PAK3: variants seen among roughly 807,000 people sequenced by gnomAD.
The protein encoded by PAK3 is p21 (RAC1) activated kinase 3, also known as serine/threonine-protein kinase PAK 3.
PAK3 carries 4 observed loss-of-function variants against 41.0 expected under a neutral mutation model. The ratio of observed to expected loss-of-function variants is 0.10; its 90% CI spans 0.05 to 0.22. PAK3 has a LOEUF of 0.22. Among genes scored for constraint, PAK3 ranks in the 10% least tolerant of loss-of-function variants. PAK3 has a pLI of 1.00. For missense variants in PAK3, 205 were observed against 409.9 expected (o/e 0.50, Z 4.32); for synonymous variants, 146 against 139.6 (o/e 1.05, Z -0.32).
intron 1 of PAK3, among the ~76,000 whole-genome samples, chrX:110,952,941 G>A (rs763286832): frequency 2.4e-4 from 27 of 111,357 alleles, no homozygotes; most frequent in Non-Finnish European, 2.1e-4. Context: ...CTTTTTAATT[G>A]CCAAATAATT....
At chrX:111,194,172 A>G in intron 13 of PAK3, 129 bp from the exon 14 acceptor site, 1 of 557,457 alleles carries the variant, frequency 1.8e-6, no homozygotes. Flanking sequence ...ATGTCCCTCA[A>G]TACCTTCTCA....
intron 1 of PAK3, among the ~76,000 whole-genome samples, chrX:111,073,086 A>G (rs1462984626): frequency 9.0e-6 from 1 of 111,124 alleles, no homozygotes; most frequent in Non-Finnish European, 1.9e-5. Flanking sequence ...GGGGGCCTCC[A>G]TGTTCCCACA....
At chrX:111,134,747 A>T (rs2093764628) in intron 5 of PAK3, among the ~76,000 whole-genome samples, 1 of 111,400 alleles carries the variant, frequency 9.0e-6, no homozygotes, top group East Asian at 2.8e-4. Context: ...AACTGAGGTG[A>T]GTCTTAAAGG....
intron 1 of PAK3, among the ~76,000 whole-genome samples, chrX:111,076,235 C>A (rs1035750151): frequency 6.3e-5 from 7 of 110,966 alleles, no homozygotes; most frequent in Non-Finnish European, 7.6e-5. Flanking sequence ...GGGCCAGGGG[C>A]AGAATTATAT....
chrX:110,978,363 G>A (rs1006528609), intron 1 of PAK3, among the ~76,000 whole-genome samples: 3 of 110,597 alleles, frequency 2.7e-5, no homozygotes, highest in Non-Finnish European at 5.7e-5. Context: ...TTTCTGAGAG[G>A]TAGGTTTGGT....
intron 3 of PAK3, chrX:111,098,775 A>G (rs2093060205): frequency 9.1e-6 from 1 of 110,495 alleles, no homozygotes; most frequent in South Asian, 3.9e-4. Context: ...GCTCAAAAAA[A>G]AAAAAGAAAA....
chrX:111,018,311 C>T (rs943620211), intron 1 of PAK3, among the ~76,000 whole-genome samples: 3 of 111,403 alleles, frequency 2.7e-5, no homozygotes, highest in Non-Finnish European at 5.7e-5. Context: ...TCTCTCTTTA[C>T]AGACAATATG....
chrX:110,965,783 C>T (rs931571831), intron 1 of PAK3, among the ~76,000 whole-genome samples: 7 of 112,099 alleles, frequency 6.2e-5, no homozygotes, highest in African/African-American at 2.3e-4. Context: ...ACTAGGTACT[C>T]TTCTAAGTAC....
At chrX:111,081,280 C>T (rs1001004881) in intron 1 of PAK3, among the ~76,000 whole-genome samples, 2 of 111,285 alleles carry the variant, frequency 1.8e-5, no homozygotes, top group South Asian at 3.8e-4. Flanking sequence ...ATCGCTTCAG[C>T]ATTCAAACTC....
chrX:111,040,446 A>T (rs964338000), intron 1 of PAK3, among the ~76,000 whole-genome samples: 2 of 112,138 alleles, frequency 1.8e-5, no homozygotes, highest in African/African-American at 6.5e-5. Flanking sequence ...TACATTTTAT[A>T]TACTTTTCAA....
intron 1 of PAK3, among the ~76,000 whole-genome samples, chrX:111,018,437 T>C (rs1329888535): frequency 9.0e-6 from 1 of 111,440 alleles, no homozygotes; most frequent in Non-Finnish European, 1.9e-5. Context: ...TGTAGTTCTA[T>C]ACACCGACAA....
Position 111,018,203 on chromosome X carries a change from C to A in PAK3, c.-28+73575C>A, listed in dbSNP as rs759688553. Among the ~76,000 whole-genome samples, 9 of 111,170 alleles carry A rather than the reference C, an allele frequency of 8.1e-5. No homozygotes were observed. The East Asian group carries it at 2.6e-3, about 32-fold the overall frequency. ...AGACAAGGATGTCAGCTTTTTGGCA[C>A]CTCTATTGAACATAGTATTAGAATG... On this transcript the variant is annotated intron_variant, in intron 1 of 14. Coordinates refer to the PAK3 transcript ENST00000425146.
At chrX:111,123,371 G>C (rs747399734) in intron 5 of PAK3, 93 bp downstream of exon 5, 15 of 760,042 alleles carry the variant, frequency 2.0e-5, no homozygotes, top group Middle Eastern at 4.3e-4. Flanking sequence ...AGGATTGACT[G>C]TTCAGGGCCT....
At chrX:110,957,879 G>T (rs778564740) in intron 1 of PAK3, among the ~76,000 whole-genome samples, 5 of 111,838 alleles carry the variant, frequency 4.5e-5, no homozygotes, top group Non-Finnish European at 7.5e-5. Context: ...AAGCGAAACA[G>T]ACATAAAACC....
upstream of PAK3, among the ~76,000 whole-genome samples, chrX:111,093,149 TG>T (rs1258249491): frequency 3.6e-5 from 4 of 112,106 alleles, no homozygotes; most frequent in Admixed American, 9.5e-5. Flanking sequence ...ACAACTCAAG[TG>T]GCCATATAGG....
chrX:110,946,494 A>G (rs2090623151), intron 1 of PAK3, among the ~76,000 whole-genome samples: 1 of 112,484 alleles, frequency 8.9e-6, no homozygotes, highest in African/African-American at 3.2e-5. Context: ...TTCCAAGGCA[A>G]ATGAACTAAA....
At chrX:111,044,078 A>G (rs755642577) in intron 1 of PAK3, among the ~76,000 whole-genome samples, 11 of 111,475 alleles carry the variant, frequency 9.9e-5, no homozygotes, top group Non-Finnish European at 1.5e-4. Context: ...GGTGGCTTCA[A>G]CCATTATAAG....
chrX:110,953,604 C>T (rs1194577676), intron 1 of PAK3, among the ~76,000 whole-genome samples: 6 of 112,100 alleles, frequency 5.4e-5, no homozygotes. Flanking sequence ...CCAGAGGTAA[C>T]TTTCAGGAGG....
intron 8 of PAK3, chrX:111,152,786 A>T (rs977760266): frequency 2.2e-4 from 33 of 148,372 alleles, no homozygotes; most frequent in African/African-American, 1.0e-3. Flanking sequence ...CTTTCTGGAC[A>T]TTTCATGTAA....
Sources: allele counts gnomAD v4.1 joint callset (sites outside exome capture counted in the v4.1 genomes callset), GRCh38; gene constraint gnomAD v4.1.1; transcripts MANE v1.5; gene names NCBI Gene and HGNC (gene_info 2026-07-23, HGNC 2026-07-21).